The following DYM variants were observed in gnomAD, a reference collection of about 807,000 sequenced individuals.
DYM encodes the protein dymeclin.
DYM carries 78 observed loss-of-function variants against 93.1 expected under a neutral mutation model. That is an observed-to-expected ratio of 0.84 (90% confidence interval 0.70 to 1.01). DYM has a LOEUF of 1.01. Among genes scored for constraint, DYM ranks in the 50% least tolerant of loss-of-function variants. The pLI is 0.00. For synonymous variants in DYM, 321 were observed against 319.7 expected, an observed-to-expected ratio of 1.00 and a Z score of -0.04; for missense variants, 789 against 845.0, an observed-to-expected ratio of 0.93 and a Z score of 0.82.
intron 13 of DYM, among the ~76,000 whole-genome samples, chr18:49,224,970 A>C (rs1373825603): frequency 6.6e-6 from 1 of 152,132 alleles, no homozygotes; most frequent in Non-Finnish European, 1.5e-5. Context: ...AGTGGTTACC[A>C]GTGTCAAATA....
At chr18:49,200,611 A>G (rs1444806788) in intron 14 of DYM, among the ~76,000 whole-genome samples, 1 of 152,010 alleles carries the variant, frequency 6.6e-6, no homozygotes, top group Non-Finnish European at 1.5e-5. Context: ...GTTCCTAAAT[A>G]TAACCCTTTC....
chr18:49,430,385 T>C lies in DYM; in HGVS notation c.10A>G (p.Asn4Asp). The change falls in exon 2 of 18, where the codon AAT becomes GAT. Residue 4 changes from asparagine to aspartate, a missense_variant. This residue lies in a region of DYM where 450 missense variants were observed against 436.2 expected (regional missense o/e 1.03). Coordinates refer to ENST00000675505, the MANE Select transcript of DYM (RefSeq NM_001353214.3). MGS[N>D]SSRIGDLPKN... is the part of the protein sequence containing the mutation. Reference sequence around the variant, plus strand: ...GGAAGATCGCCGATTCTGCTGCTATTCGATCCCATCTTCTAGCTTAAGCAG... The same window carrying C: ...GGAAGATCGCCGATTCTGCTGCTATCCGATCCCATCTTCTAGCTTAAGCAG... 1 of 1,613,758 alleles carries C rather than the reference T, an allele frequency of 6.2e-7. No individual in the cohort carries two copies. Among genetic ancestry groups the C allele is most frequent in the Non-Finnish European group, 8.5e-7 (1 of 1,179,992 alleles).
chr18:49,401,426 A>G (rs2070809047), intron 2 of DYM, among the ~76,000 whole-genome samples: 2 of 152,212 alleles, frequency 1.3e-5, no homozygotes, highest in East Asian at 1.9e-4. Flanking sequence ...CTGATACATA[A>G]TAATTGTAAA....
chr18:49,295,871 C>T (rs2060507796), intron 8 of DYM, among the ~76,000 whole-genome samples: 1 of 151,504 alleles, frequency 6.6e-6, no homozygotes, highest in Non-Finnish European at 1.5e-5. Flanking sequence ...GCACTTTACC[C>T]AGCTTCCTCT....
intron 2 of DYM, among the ~76,000 whole-genome samples, chr18:49,421,402 T>C (rs1392782172): frequency 6.6e-6 from 1 of 152,166 alleles, no homozygotes. Context: ...GGAGTGGACC[T>C]CCAGCAAACT....
At chr18:49,413,420 C>T (rs544199300) in intron 2 of DYM, among the ~76,000 whole-genome samples, 133 of 152,248 alleles carry the variant, frequency 8.7e-4, no homozygotes, top group African/African-American at 3.0e-3. Context: ...AACAATGATG[C>T]TTACGTTAGC....
At chr18:49,180,026 A>G (rs186932340) in intron 14 of DYM, among the ~76,000 whole-genome samples, 5 of 152,254 alleles carry the variant, frequency 3.3e-5, no homozygotes, top group Admixed American at 2.0e-4. Context: ...TTACTTTTGT[A>G]TAATAGATGT....
rs2079906353 is a variant in DYM, at chr18:49,099,480, A to T, written c.1912-1965T>A. ...CACATCTACAAGTAAAAAAATGAGG[A>T]TGTGCTTGCAATATATGTTCTAGTT... On this transcript the variant is annotated intron_variant, in intron 16 of 17. Transcript: ENST00000675505. 4.6e-5 allele frequency among the ~76,000 whole-genome samples: 7 copies of T among 152,200 alleles called. No individual in the cohort carries two copies. The South Asian group carries it at 1.4e-3, about 31-fold the overall frequency.
At chr18:49,316,908 T>C (rs1419699936) in intron 8 of DYM, among the ~76,000 whole-genome samples, 1 of 152,228 alleles carries the variant, frequency 6.6e-6, no homozygotes, top group African/African-American at 2.4e-5. Flanking sequence ...TTTCTTCTTA[T>C]TGCTGAATAA....
chr18:49,406,306 T>C (rs2071492351), intron 2 of DYM, among the ~76,000 whole-genome samples: 1 of 152,124 alleles, frequency 6.6e-6, no homozygotes, highest in Non-Finnish European at 1.5e-5. Flanking sequence ...ACGCCTGTAA[T>C]CCCAACACTT....
chr18:49,196,584 G>C (rs768294459), intron 14 of DYM, among the ~76,000 whole-genome samples: 1 of 152,096 alleles, frequency 6.6e-6, no homozygotes, highest in Non-Finnish European at 1.5e-5. Context: ...CAATGTTTTG[G>C]ATAAAGGAAA....
In DYM at chr18:49,258,293, T is replaced by C. The variant is rs369976278; in HGVS notation, c.1365+87A>G. On this transcript the variant is annotated intron_variant, in intron 12 of 17. Coordinates refer to ENST00000675505, the MANE Select transcript of DYM (RefSeq NM_001353214.3). ...TTTCTACCATATGTCACGAGAATTT[T>C]AGCATCCTAAAAATTGGGATTGCTT... The C allele has an allele frequency of 4.1e-5, 36 of 888,716 alleles. No individual in the cohort carries two copies. In the East Asian group the frequency reaches 7.3e-4, roughly 18 times the overall value. The allele number at this position is 888,716 out of a possible 1,614,324, so 55.1% of individuals were successfully genotyped here. A position where few individuals can be genotyped will look rare whatever the true frequency, so the allele number is the denominator to read the frequency against.
At chr18:49,430,863 G>C (rs992726025) in intron 1 of DYM, among the ~76,000 whole-genome samples, 1 of 140,858 alleles carries the variant, frequency 7.1e-6, no homozygotes, top group African/African-American at 2.7e-5. Flanking sequence ...CCAGCCTGGC[G>C]ACAGAGCAAG....
intron 1 of DYM, among the ~76,000 whole-genome samples, chr18:49,441,338 T>G (rs2081599095): frequency 1.3e-5 from 1 of 78,658 alleles, no homozygotes; most frequent in Non-Finnish European, 2.3e-5. Flanking sequence ...AATATAATTA[T>G]ATATAATTAA....
chr18:49,214,281 C>T (rs767894846), intron 13 of DYM, among the ~76,000 whole-genome samples: 8 of 152,260 alleles, frequency 5.3e-5, no homozygotes, highest in Middle Eastern at 3.4e-3. Context: ...ACCTGAGCTC[C>T]GCCTCCTGTC....
chr18:49,073,892 G>T (rs990537986), intron 17 of DYM, among the ~76,000 whole-genome samples: 1 of 152,186 alleles, frequency 6.6e-6, no homozygotes, highest in Non-Finnish European at 1.5e-5. Context: ...CCAGGCCCAG[G>T]ATAAGTAGAG....
chr18:49,332,099 T>C (rs1009957579), intron 7 of DYM, 93 bp from the exon 8 acceptor site: 5 of 1,268,696 alleles, frequency 3.9e-6, no homozygotes, highest in African/African-American at 3.0e-5. Context: ...ATTAACACTA[T>C]CTGTTAATAC....
intron 1 of DYM, among the ~76,000 whole-genome samples, chr18:49,434,744 T>C (rs2080670647): frequency 6.6e-6 from 1 of 151,730 alleles, no homozygotes; most frequent in Non-Finnish European, 1.5e-5. Flanking sequence ...GGCAGGAGGA[T>C]CACTTGAGGA....
intron 17 of DYM, among the ~76,000 whole-genome samples, chr18:49,076,525 G>A (rs1479702582): frequency 1.3e-5 from 2 of 152,192 alleles, no homozygotes; most frequent in African/African-American, 4.8e-5. Flanking sequence ...CATGTAAAAT[G>A]TAATAACAGT....
Sources: allele counts gnomAD v4.1 joint callset (sites outside exome capture counted in the v4.1 genomes callset), GRCh38; gene constraint gnomAD v4.1.1; regional missense constraint gnomAD v4.1.1; transcripts MANE v1.5; gene names NCBI Gene and HGNC (gene_info 2026-07-23, HGNC 2026-07-21).